ETV4: variants seen among roughly 807,000 people sequenced by gnomAD.
ETV4 encodes the protein ETS variant transcription factor 4, also known as ETS translocation variant 4.
A neutral mutation model predicts 65.9 loss-of-function variants in ETV4; 42 were observed. That is an observed-to-expected ratio of 0.64 (90% CI 0.50 to 0.82). The LOEUF (loss-of-function observed/expected upper bound fraction) is 0.82, where lower values mean the gene tolerates loss of function less well. Among genes scored for constraint, ETV4 ranks in the 40% least tolerant of loss-of-function variants. ETV4 has a pLI of 0.00. For missense variants in ETV4, 583 were observed against 630.3 expected, an observed-to-expected ratio of 0.92 and a Z score of 0.80; for synonymous variants, 238 against 260.0, an observed-to-expected ratio of 0.92 and a Z score of 0.81.
rs1221273122 is a variant in ETV4 at position 43,528,478 on chromosome 17, G to A, written c.*41C>T. On this transcript the variant is annotated 3_prime_UTR_variant, in exon 13 of 13. Coordinates refer to ENST00000319349, the MANE Select transcript of ETV4 (RefSeq NM_001079675.5). The stretch of plus-strand genomic sequence containing the variant: ...CACCAGATTCATTTATATGTACACA[G>A]GGCAGCACCCACCTGCGGCAGGGGG... The A allele has an allele frequency of 1.4e-6, 2 of 1,385,028 alleles. No individual in the cohort carries two copies. Among genetic ancestry groups the A allele is most frequent in the African/African-American group, 1.4e-5 (1 of 70,328 alleles). The allele number at this position is 1,385,028 out of a possible 1,614,324, so 85.8% of individuals were successfully genotyped here. A position where few individuals can be genotyped will look rare whatever the true frequency, so the allele number is the denominator to read the frequency against.
At chr17:43,538,939 C>A (rs1002821963) in intron 4 of ETV4, among the ~76,000 whole-genome samples, 5 of 152,092 alleles carry the variant, frequency 3.3e-5, no homozygotes, top group Non-Finnish European at 7.4e-5. Context: ...AACCTCCACA[C>A]CCCCGGCCTA....
At chr17:43,534,922 C>G (rs2154587143) in intron 5 of ETV4, among the ~76,000 whole-genome samples, 1 of 152,328 alleles carries the variant, frequency 6.6e-6, no homozygotes, top group Non-Finnish European at 1.5e-5. Context: ...GCCTGGGCAA[C>G]AAGAGTGAAA....
At chr17:43,543,276 A>ACTCT (rs60214474) in intron 4 of ETV4, among the ~76,000 whole-genome samples, 43,051 of 138,114 alleles carry the variant, frequency 0.31, 9,843 homozygotes, top group African/African-American at 0.65. Flanking sequence ...ACACACACAC[A>ACTCT]CTCTCTCTCT....
chr17:43,530,959 G>C (rs1970898720), intron 8 of ETV4, among the ~76,000 whole-genome samples: 1 of 152,108 alleles, frequency 6.6e-6, no homozygotes, highest in Non-Finnish European at 1.5e-5. Flanking sequence ...GAGTAGCTGG[G>C]GGGAGGGGCA....
At chr17:43,534,307 T>C (rs1474208527) in intron 5 of ETV4, among the ~76,000 whole-genome samples, 2 of 151,134 alleles carry the variant, frequency 1.3e-5, no homozygotes, top group East Asian at 3.9e-4. Flanking sequence ...CTGGCCAACA[T>C]GGTGAAACCC....
At chr17:43,540,431 C>T (rs775180640) in intron 4 of ETV4, among the ~76,000 whole-genome samples, 1 of 152,152 alleles carries the variant, frequency 6.6e-6, no homozygotes, top group Non-Finnish European at 1.5e-5. Context: ...CCAGCCTGGG[C>T]AACAGAGTGA....
intron 8 of ETV4, among the ~76,000 whole-genome samples, chr17:43,531,110 C>A (rs1970910585): frequency 6.6e-6 from 1 of 152,204 alleles, no homozygotes; most frequent in African/African-American, 2.4e-5. Context: ...ACAGGAGCAC[C>A]ATCCGGTTCT....
At chr17:43,544,094 A>G (rs1846740909) in intron 4 of ETV4, 1 of 152,216 alleles carries the variant, frequency 6.6e-6, no homozygotes, top group Admixed American at 6.5e-5. Flanking sequence ...AATAAACCCT[A>G]AGATGGGGGT....
At chr17:43,535,856 T>C (rs1971215474) in intron 5 of ETV4, among the ~76,000 whole-genome samples, 1 of 152,198 alleles carries the variant, frequency 6.6e-6, no homozygotes, top group African/African-American at 2.4e-5. Flanking sequence ...CTCACGCCTG[T>C]AGTCCCAACA....
chr17:43,528,692 A>G lies in ETV4; in HGVS notation c.1282T>C (p.Phe428Leu), dbSNP rs368414776. The change falls in exon 13 of 13, where the codon TTC (phenylalanine) becomes CTC (leucine). Residue 428 changes from phenylalanine to leucine, a missense_variant. Phe to Leu is a conservative substitution (Grantham distance 22). Coordinates refer to ENST00000319349, the MANE Select transcript of ETV4 (RefSeq NM_001079675.5). ...TGATTGTCCGGGAAGGCCAAAGAGA[A>G]GAGGGCCTCGGGCTCACACACAAAC... ...YKFVCEPEAL[F>L]SLAFPDNQRP... is the part of the protein sequence containing the mutation. The G allele has an allele frequency of 2.5e-6, 4 of 1,614,062 alleles. No homozygotes were observed. Among genetic ancestry groups the G allele is most frequent in the Non-Finnish European group, 3.4e-6 (4 of 1,180,048 alleles).
chr17:43,545,951 G>A, intron 1 of ETV4: 1 of 319,568 alleles, frequency 3.1e-6, no homozygotes, highest in South Asian at 4.7e-5. Flanking sequence ...GTGTGTGTGT[G>A]TGTGTGTGTG....
Position 43,532,808 on chromosome 17 carries a change from T to A in ETV4, c.677A>T (p.Lys226Met). The A allele has an allele frequency of 6.2e-7, 1 of 1,614,068 alleles. No individual in the cohort carries two copies. Among genetic ancestry groups the A allele is most frequent in the Non-Finnish European group, 8.5e-7 (1 of 1,180,002 alleles). The change falls in exon 8 of 13, where the codon AAG (lysine) becomes ATG (methionine). Residue 226 changes from lysine to methionine, a missense_variant. By Grantham distance (95) the Lys-to-Met change is moderately conservative. Coordinates refer to ENST00000319349, the MANE Select transcript of ETV4 (RefSeq NM_001079675.5). ...PCPPYPQQSF[K>M]QEYHDPLYEQ... ...ATACAGGGGATCATGGTATTCTTGCTTAAAGCTCTGCTGGGGATAGGGTGG... is the reference window on the plus strand; with the variant it reads ...ATACAGGGGATCATGGTATTCTTGCATAAAGCTCTGCTGGGGATAGGGTGG...
chr17:43,532,560 TG>T, intron 8 of ETV4, 113 bp downstream of exon 8: 1 of 904,652 alleles, frequency 1.1e-6, no homozygotes. Context: ...AAAAAGTGGG[TG>T]GGTGGGTTGG....
chr17:43,545,985 G>C, intron 1 of ETV4, 200 bp downstream of exon 1: 1 of 275,054 alleles, frequency 3.6e-6, no homozygotes, highest in Non-Finnish European at 6.9e-6. Context: ...GTGTGTACGC[G>C]CGCGCGCGCG....
intron 4 of ETV4, chr17:43,544,680 G>T: frequency 3.5e-6 from 1 of 289,426 alleles, no homozygotes; most frequent in Non-Finnish European, 6.5e-6. Context: ...CAGGAAAATG[G>T]GCCTGGGGCC....
chr17:43,532,567 G>T lies in ETV4; in HGVS notation c.811+107C>A, dbSNP rs141611511. The T allele has an allele frequency of 2.9e-6, 3 of 1,024,058 alleles. No homozygotes were observed. The African/African-American group carries it at 4.9e-5, about 17-fold the overall frequency. 63.4% of individuals were successfully genotyped at this position (1,024,058 alleles called of 1,614,324 possible). A position where few individuals can be genotyped will look rare whatever the true frequency, so the allele number is the denominator to read the frequency against. ...ATGAAGAAAAAAAGTGGGTGGGTGG[G>T]TTGGATGTATGAAATGGTAAACAGC... On this transcript the variant is annotated intron_variant, in intron 8 of 12. Transcript: ENST00000319349.
chr17:43,528,742 AC>A lies in ETV4; in HGVS notation c.1231del (p.Val411TrpfsTer94). 6.2e-7 allele frequency: 1 copy of A among 1,613,460 alleles called. No individual in the cohort carries two copies. Among genetic ancestry groups the A allele is most frequent in the Non-Finnish European group, 8.5e-7 (1 of 1,179,514 alleles). On this transcript the variant is annotated frameshift_variant and splice_region_variant, in exon 13 of 13. Coordinates refer to ENST00000319349, the MANE Select transcript of ETV4 (RefSeq NM_001079675.5). LOFTEE classifies it high-confidence loss of function. ...YYYEKGIMQK[V>X]AGERYVYKFV... ...CTTGTACACGTAACGCTCACCAGCC[AC>A]CTATGGGGAGAGAGAAGGTCTGGTC... is the stretch of plus-strand genomic sequence containing the variant.
At chr17:43,530,303 C>A (rs1567707253) in intron 8 of ETV4, 122 bp from the exon 9 acceptor site, 12 of 1,498,122 alleles carry the variant, frequency 8.0e-6, no homozygotes, top group Non-Finnish European at 1.1e-5. Context: ...GGTGACTGTT[C>A]TTTGCCCAGG....
intron 3 of ETV4, 80 bp from the exon 4 acceptor site, chr17:43,545,102 C>A: frequency 6.8e-7 from 1 of 1,477,020 alleles, no homozygotes; most frequent in South Asian, 1.1e-5. Context: ...CCCGGTGACT[C>A]CCCTGCCTTG....
Sources: allele counts gnomAD v4.1 joint callset (sites outside exome capture counted in the v4.1 genomes callset), GRCh38; gene constraint gnomAD v4.1.1; transcripts MANE v1.5; gene names NCBI Gene and HGNC (gene_info 2026-07-23, HGNC 2026-07-21).